MAPK8: variants seen among roughly 807,000 people sequenced by gnomAD.
The protein encoded by MAPK8 is mitogen-activated protein kinase 8.
A neutral mutation model predicts 52.9 loss-of-function variants in MAPK8; 13 were observed. The ratio of observed to expected loss-of-function variants is 0.25; its 90% CI spans 0.16 to 0.39. MAPK8 has a LOEUF of 0.39. Among genes scored for constraint, MAPK8 ranks in the 10% least tolerant of loss-of-function variants. The probability of loss-of-function intolerance (pLI) is 1.00; values close to 1 mark genes in which losing one functional copy is unlikely to be tolerated. For synonymous variants in MAPK8, 191 were observed against 169.8 expected (o/e 1.12, Z -0.97); for missense variants, 300 against 519.2 (o/e 0.58, Z 4.10).
chr10:48,425,584 G>T (rs2043630741), intron 7 of MAPK8: 1 of 327,826 alleles, frequency 3.1e-6, no homozygotes, highest in Admixed American at 4.4e-5. Context: ...AGCCACTATG[G>T]ATAGTAATTG....
chr10:48,320,245 A>ATTTTTTTT (rs1842879358), intron 1 of MAPK8, among the ~76,000 whole-genome samples: 1 of 22,420 alleles, frequency 4.5e-5, no homozygotes, highest in Non-Finnish European at 9.6e-5. Flanking sequence ...TTTTTTTTTA[A>ATTTTTTTT]ATTAGATCAG....
chr10:48,419,148 G>C (rs1046245638), intron 5 of MAPK8, among the ~76,000 whole-genome samples: 11 of 152,014 alleles, frequency 7.2e-5, no homozygotes, highest in African/African-American at 2.7e-4. Context: ...ACCCATCCAT[G>C]ATTGCCTGTC....
rs2042325881 is a variant in MAPK8 at position 48,404,141 on chromosome 10, A to C, written c.123-711A>C. Among the ~76,000 whole-genome samples, 4 of 149,760 alleles carry C rather than the reference A, an allele frequency of 2.7e-5. No individual in the cohort carries two copies. In the South Asian group the frequency reaches 8.5e-4, roughly 32 times the overall value. The stretch of plus-strand genomic sequence containing the variant: ...AGAAGTAATGTGTTTACATAGAATT[A>C]TTCAGCAAATCTTTTGAGTAGAATT... On this transcript the variant is annotated intron_variant, in intron 2 of 11. Transcript: ENST00000374189.
At chr10:48,427,368 C>T (rs2133252111) in intron 10 of MAPK8, 1 of 422,832 alleles carries the variant, frequency 2.4e-6, no homozygotes. Flanking sequence ...TGCTCTGTCT[C>T]ATATTTTTTT....
chr10:48,387,781 G>T (rs187612548), intron 1 of MAPK8, among the ~76,000 whole-genome samples: 7 of 152,230 alleles, frequency 4.6e-5, no homozygotes, highest in Admixed American at 3.3e-4. Context: ...TAAAATCATG[G>T]CCCTGAATGT....
chr10:48,357,594 C>G (rs1271965632), intron 1 of MAPK8, among the ~76,000 whole-genome samples: 2 of 152,074 alleles, frequency 1.3e-5, no homozygotes, highest in Non-Finnish European at 2.9e-5. Flanking sequence ...GATGGAGTTT[C>G]ACCATGTTGC....
chr10:48,432,805 G>A (rs1454385236), intron 11 of MAPK8, among the ~76,000 whole-genome samples: 1 of 152,188 alleles, frequency 6.6e-6, no homozygotes, highest in African/African-American at 2.4e-5. Flanking sequence ...AAATAAGTCA[G>A]TGAAAAAGAT....
intron 2 of MAPK8, among the ~76,000 whole-genome samples, chr10:48,404,372 G>A (rs993923722): frequency 8.6e-5 from 13 of 151,314 alleles, no homozygotes; most frequent in African/African-American, 3.2e-4. Flanking sequence ...TGGCCAGGAT[G>A]GTCTCGATCT....
chr10:48,358,634 G>T (rs1359648546), intron 1 of MAPK8, among the ~76,000 whole-genome samples: 1 of 152,060 alleles, frequency 6.6e-6, no homozygotes, highest in Non-Finnish European at 1.5e-5. Flanking sequence ...AATTCATCTG[G>T]TTTTCTTTTG....
At chr10:48,419,206 C>G (rs1564611325) in intron 5 of MAPK8, among the ~76,000 whole-genome samples, 2 of 152,112 alleles carry the variant, frequency 1.3e-5, no homozygotes, top group Admixed American at 1.3e-4. Flanking sequence ...GTTAACATTA[C>G]AAAAGTAATA....
At chr10:48,432,422 T>C (rs1368388309) in intron 11 of MAPK8, among the ~76,000 whole-genome samples, 1 of 152,178 alleles carries the variant, frequency 6.6e-6, no homozygotes, top group Non-Finnish European at 1.5e-5. Flanking sequence ...TCTTCCAGAT[T>C]ATAGTGTAGA....
At position 48,361,102 on chromosome 10, in the gene MAPK8, AT is replaced by A. The variant is rs1185934677; in HGVS notation, c.-49-40508del. Among the ~76,000 whole-genome samples the A allele has an allele frequency of 3.9e-5, 6 of 152,298 alleles. No homozygotes were observed. The South Asian group carries it at 1.2e-3, about 32-fold the overall frequency. On this transcript the variant is annotated intron_variant, in intron 1 of 11. Transcript: ENST00000374189. ...CGATAAAAAGAAAAAGACCTGATTG[AT>A]TAATATTATGGAAACAGCATCAGAC...
intron 1 of MAPK8, among the ~76,000 whole-genome samples, chr10:48,385,695 A>G (rs1242856183): frequency 6.6e-6 from 1 of 152,076 alleles, no homozygotes; most frequent in Non-Finnish European, 1.5e-5. Context: ...AATTCAAGCT[A>G]TTTCTAGAGA....
At chr10:48,373,917 C>G (rs1041191869) in intron 1 of MAPK8, among the ~76,000 whole-genome samples, 1 of 152,130 alleles carries the variant, frequency 6.6e-6, no homozygotes, top group Non-Finnish European at 1.5e-5. Flanking sequence ...GCCTACAGAA[C>G]TCTCCACCCC....
At chr10:48,320,888 A>G (rs1160597318) in intron 1 of MAPK8, among the ~76,000 whole-genome samples, 1 of 152,078 alleles carries the variant, frequency 6.6e-6, no homozygotes, top group Non-Finnish European at 1.5e-5. Flanking sequence ...CAAGCTTGTT[A>G]TTGTCTGTCT....
intron 1 of MAPK8, among the ~76,000 whole-genome samples, chr10:48,362,952 G>T (rs562458108): frequency 2.2e-4 from 33 of 152,096 alleles, no homozygotes; most frequent in African/African-American, 8.0e-4. Context: ...TGTTGGCCAG[G>T]CTGGTCTCGA....
At chr10:48,381,143 A>T (rs1042901999) in intron 1 of MAPK8, among the ~76,000 whole-genome samples, 1 of 152,206 alleles carries the variant, frequency 6.6e-6, no homozygotes, top group African/African-American at 2.4e-5. Flanking sequence ...TATATTATTA[A>T]TATTAAACCT....
At chr10:48,413,815 TTATATATATATATATA>T (rs59042608) in intron 5 of MAPK8, among the ~76,000 whole-genome samples, 868 of 48,420 alleles carry the variant, frequency 0.018, 44 homozygotes, top group African/African-American at 0.034. Flanking sequence ...GCCAGAATTG[TTATATATATATATATA>T]TATATATATA....
chr10:48,404,541 A>C (rs2042356149), intron 2 of MAPK8, among the ~76,000 whole-genome samples: 1 of 152,194 alleles, frequency 6.6e-6, no homozygotes, highest in Non-Finnish European at 1.5e-5. Flanking sequence ...AGTGGAGCTA[A>C]ATAATTATGG....
Sources: allele counts gnomAD v4.1 joint callset (sites outside exome capture counted in the v4.1 genomes callset), GRCh38; gene constraint gnomAD v4.1.1; transcripts MANE v1.5; gene names NCBI Gene and HGNC (gene_info 2026-07-23, HGNC 2026-07-21).